The following IL23R variants were observed in gnomAD, a reference collection of about 807,000 sequenced individuals.
IL23R encodes interleukin 23 receptor, also known as interleukin-23 receptor.
IL23R carries 34 observed loss-of-function variants against 56.9 expected under a neutral mutation model. The observed-to-expected ratio is 0.60, with a 90% CI of 0.45 to 0.80. The LOEUF (loss-of-function observed/expected upper bound fraction) is 0.80. Among genes scored for constraint, IL23R ranks in the 30% least tolerant of loss-of-function variants. The pLI, the probability that IL23R is intolerant of heterozygous loss-of-function variation, is 0.00. For synonymous variants in IL23R, 230 were observed against 249.2 expected (o/e 0.92, Z 0.73); for missense variants, 635 against 730.0 (o/e 0.87, Z 1.50).
intron 7 of IL23R, among the ~76,000 whole-genome samples, chr1:67,236,402 G>A (rs538386339): frequency 3.3e-5 from 5 of 152,328 alleles, no homozygotes; most frequent in African/African-American, 1.2e-4. Context: ...TTCTGGCTCA[G>A]TAAAATAAAG....
intron 7 of IL23R, among the ~76,000 whole-genome samples, chr1:67,234,054 GA>G (rs527642067): frequency 1.5e-4 from 23 of 151,710 alleles, no homozygotes; most frequent in Non-Finnish European, 3.4e-4. Context: ...GGATTAAAAG[GA>G]TGGGATTAGG....
upstream of IL23R, among the ~76,000 whole-genome samples, chr1:67,163,916 T>C (rs1463321252): frequency 6.6e-6 from 1 of 152,068 alleles, no homozygotes; most frequent in Non-Finnish European, 1.5e-5. Flanking sequence ...ACTCCTAGAA[T>C]AAAACATAGG....
At chr1:67,149,345 G>T (rs1358250969) in intron 1 of IL23R, among the ~76,000 whole-genome samples, 1 of 152,164 alleles carries the variant, frequency 6.6e-6, no homozygotes, top group Non-Finnish European at 1.5e-5. Flanking sequence ...AAGAAGTCAG[G>T]AGGCGGAGAG....
At chr1:67,145,155 G>C (rs1213158603) in intron 1 of IL23R, among the ~76,000 whole-genome samples, 2 of 152,120 alleles carry the variant, frequency 1.3e-5, no homozygotes, top group Non-Finnish European at 2.9e-5. Flanking sequence ...AGAACAGCCT[G>C]GCCAACATGC....
chr1:67,259,183 T>A lies in IL23R; in HGVS notation c.*55T>A, dbSNP rs1176960504. 6.4e-7 allele frequency: 1 copy of A among 1,551,898 alleles called. No individual in the cohort carries two copies. The highest frequency in any genetic ancestry group is 8.9e-7 in the Non-Finnish European group (1 of 1,125,668). ...GCTGCCTTGCAATCTGAACTTGGGT[T>A]TTCCCTGCAATAGAAATTGAATTCT... On this transcript the variant is annotated 3_prime_UTR_variant, in exon 11 of 11. Coordinates refer to ENST00000347310, the MANE Select transcript of IL23R (RefSeq NM_144701.3).
intron 3 of IL23R, among the ~76,000 whole-genome samples, chr1:67,179,830 G>A (rs34245779): frequency 2.1e-4 from 32 of 151,924 alleles, no homozygotes; most frequent in African/African-American, 3.1e-4. Context: ...CTTTGTTCTC[G>A]TTGGTTTCAA....
chr1:67,145,714 C>T (rs1041763723), intron 1 of IL23R, among the ~76,000 whole-genome samples: 8 of 152,074 alleles, frequency 5.3e-5, no homozygotes, highest in African/African-American at 1.2e-4. Flanking sequence ...GGATAGTCTA[C>T]GGGGAAAACA....
chr1:67,208,795 G>T (rs962364091), intron 6 of IL23R, among the ~76,000 whole-genome samples: 1 of 152,182 alleles, frequency 6.6e-6, no homozygotes, highest in African/African-American at 2.4e-5. Context: ...GCATTGCCTA[G>T]TGGAGCTGTG....
At chr1:67,225,289 T>C (rs1443408622) in intron 7 of IL23R, among the ~76,000 whole-genome samples, 3 of 152,172 alleles carry the variant, frequency 2.0e-5, no homozygotes, top group Non-Finnish European at 4.4e-5. Flanking sequence ...AGATTTGCAG[T>C]AGATGATGAG....
intron 7 of IL23R, among the ~76,000 whole-genome samples, chr1:67,226,951 G>A (rs899716908): frequency 6.6e-5 from 10 of 152,302 alleles, no homozygotes; most frequent in South Asian, 4.1e-4. Flanking sequence ...GACTGTTGTC[G>A]TAATTAACCA....
At chr1:67,222,125 TTTTTTG>T in intron 7 of IL23R, among the ~76,000 whole-genome samples, 2 of 133,266 alleles carry the variant, frequency 1.5e-5, no homozygotes, top group African/African-American at 2.9e-5. Context: ...TTTTTTTTTT[TTTTTTG>T]ACAGTCTTGC....
chr1:67,217,068 A>C (rs959534491), intron 6 of IL23R, among the ~76,000 whole-genome samples: 9 of 152,194 alleles, frequency 5.9e-5, no homozygotes, highest in African/African-American at 2.2e-4. Flanking sequence ...GGTAGGAATT[A>C]TAGAACTCTA....
At chr1:67,216,968 G>C (rs1371371309) in intron 6 of IL23R, among the ~76,000 whole-genome samples, 1 of 152,184 alleles carries the variant, frequency 6.6e-6, no homozygotes, top group Non-Finnish European at 1.5e-5. Flanking sequence ...GGAGGTTGTA[G>C]GGTAAAGGGA....
chr1:67,184,696 A>C (rs2102590434), intron 4 of IL23R, among the ~76,000 whole-genome samples: 1 of 152,174 alleles, frequency 6.6e-6, no homozygotes, highest in African/African-American at 2.4e-5. Flanking sequence ...CCATTTTGTA[A>C]AGCATTTATT....
intron 1 of IL23R, among the ~76,000 whole-genome samples, chr1:67,167,783 ATGAGAAAGG>A (rs1282157957): frequency 1.3e-5 from 2 of 152,220 alleles, no homozygotes; most frequent in East Asian, 3.8e-4. Flanking sequence ...GAGGTTTCTG[ATGAGAAAGG>A]CTAGATTAGG....
At chr1:67,213,432 C>A (rs1570861466) in intron 6 of IL23R, among the ~76,000 whole-genome samples, 1 of 152,152 alleles carries the variant, frequency 6.6e-6, no homozygotes, top group Non-Finnish European at 1.5e-5. Context: ...TGCTTTTCAG[C>A]CCCTTTAGCT....
intron 3 of IL23R, among the ~76,000 whole-genome samples, chr1:67,174,134 T>C (rs907791737): frequency 2.0e-4 from 31 of 152,150 alleles, no homozygotes; most frequent in African/African-American, 7.5e-4. Flanking sequence ...CCAAATATTT[T>C]ATATATCTAT....
chr1:67,161,058 A>G (rs1646813979), intron 1 of IL23R, among the ~76,000 whole-genome samples: 1 of 152,228 alleles, frequency 6.6e-6, no homozygotes, highest in African/African-American at 2.4e-5. Flanking sequence ...ACTGTTAACA[A>G]TAACTATTAT....
At chr1:67,229,945 G>T (rs1203689139) in intron 7 of IL23R, among the ~76,000 whole-genome samples, 1 of 152,210 alleles carries the variant, frequency 6.6e-6, no homozygotes, top group Non-Finnish European at 1.5e-5. Context: ...AGCAGAAAGA[G>T]AATTATTAGA....
Sources: allele counts gnomAD v4.1 joint callset (sites outside exome capture counted in the v4.1 genomes callset), GRCh38; gene constraint gnomAD v4.1.1; transcripts MANE v1.5; gene names NCBI Gene and HGNC (gene_info 2026-07-23, HGNC 2026-07-21).